The following PDE4D variants were observed in gnomAD, a reference collection of about 807,000 sequenced individuals.
PDE4D encodes the protein phosphodiesterase 4D, also known as 3',5'-cyclic-AMP phosphodiesterase 4D.
PDE4D carries 24 observed loss-of-function variants against 87.4 expected under a neutral mutation model. The ratio of observed to expected loss-of-function variants is 0.27; its 90% CI spans 0.20 to 0.39. The LOEUF is 0.39. PDE4D is among the 10% of genes least tolerant of loss of function. The pLI, the probability that PDE4D is intolerant of heterozygous loss-of-function variation, is 1.00. For missense variants in PDE4D, 714 were observed against 1,041.0 expected, an observed-to-expected ratio of 0.69 and a Z score of 4.32; for synonymous variants, 384 against 383.2, an observed-to-expected ratio of 1.00 and a Z score of -0.02.
At chr5:60,297,500 G>A (rs1753513103) in intron 1 of PDE4D, among the ~76,000 whole-genome samples, 2 of 152,146 alleles carry the variant, frequency 1.3e-5, no homozygotes, top group South Asian at 2.1e-4. Flanking sequence ...CGAGAAGTAT[G>A]TTATGGTTAC....
chr5:60,248,485 T>C (rs1748049152), intron 1 of PDE4D, among the ~76,000 whole-genome samples: 1 of 151,998 alleles, frequency 6.6e-6, no homozygotes, highest in Non-Finnish European at 1.5e-5. Context: ...ATCAGACTTG[T>C]ATTTTCAAGG....
rs1426349389 is a variant in PDE4D, at chr5:60,327,008, C to A, written c.-89-141321G>T. Among the ~76,000 whole-genome samples, 6 of 152,120 alleles carry A rather than the reference C, an allele frequency of 3.9e-5. No homozygotes were observed. In the East Asian group the frequency reaches 9.6e-4, roughly 24 times the overall value. On this transcript the variant is annotated intron_variant, in intron 1 of 16. Coordinates refer to the PDE4D transcript ENST00000502484. ...AGAAGTCTGAGAGTTATTACAATTT[C>A]TTTATCCCCTGCTTACATATCCCAT...
intron 1 of PDE4D, among the ~76,000 whole-genome samples, chr5:59,735,418 C>T (rs11741982): frequency 6.6e-6 from 1 of 152,146 alleles, no homozygotes; most frequent in Non-Finnish European, 1.5e-5. Context: ...CAAACAAATT[C>T]TAAGATGTGA....
chr5:59,539,819 C>T (rs893739279), intron 1 of PDE4D, among the ~76,000 whole-genome samples: 3 of 152,134 alleles, frequency 2.0e-5, no homozygotes, highest in Non-Finnish European at 4.4e-5. Flanking sequence ...AACACACACA[C>T]ACAGACACAT....
intron 5 of PDE4D, chr5:59,172,662 C>T (rs1014125370): frequency 3.3e-5 from 5 of 151,562 alleles, no homozygotes; most frequent in East Asian, 1.9e-4. Flanking sequence ...GAGACAAGAT[C>T]GTACCACTTC....
Position 58,975,902 on chromosome 5 carries a change from A to C in PDE4D, c.1831-63T>G, listed in dbSNP as rs1743618642. The C allele has an allele frequency of 4.0e-6, 5 of 1,240,870 alleles. No homozygotes were observed. The highest frequency in any genetic ancestry group is 2.8e-5 in the Admixed American group (1 of 36,234). 76.9% of individuals were successfully genotyped at this position (1,240,870 alleles called of 1,614,324 possible). On this transcript the variant is annotated intron_variant, in intron 13 of 14. Transcript: ENST00000340635. This position sits in a 1 kb window ranked among gnomAD's most constrained non-coding sequence, Gnocchi z 4.2. Reference sequence around the variant, plus strand: ...CCTTTTTTTTAAAAAAAAAAACAAAAAAAACTAGAAATTCACATTGGATGA... The same window carrying C: ...CCTTTTTTTTAAAAAAAAAAACAAACAAAACTAGAAATTCACATTGGATGA...
chr5:60,324,470 T>C (rs1263286273), intron 1 of PDE4D, among the ~76,000 whole-genome samples: 1 of 152,182 alleles, frequency 6.6e-6, no homozygotes, highest in Non-Finnish European at 1.5e-5. Context: ...AAAGATGCTG[T>C]ATTGTATAAA....
chr5:60,331,296 T>C (rs1757286658), intron 1 of PDE4D, among the ~76,000 whole-genome samples: 1 of 152,206 alleles, frequency 6.6e-6, no homozygotes, highest in African/African-American at 2.4e-5. Context: ...AATGTGACAG[T>C]AGAACACTAC....
At chr5:59,314,061 T>C (rs1282986333) in intron 1 of PDE4D, 1 of 152,164 alleles carries the variant, frequency 6.6e-6, no homozygotes, top group East Asian at 1.9e-4. Flanking sequence ...CAGCATAAGG[T>C]AGCCCCAGTA....
chr5:59,507,380 T>G (rs1160701717), intron 1 of PDE4D, among the ~76,000 whole-genome samples: 1 of 151,930 alleles, frequency 6.6e-6, no homozygotes, highest in African/African-American at 2.4e-5. Flanking sequence ...AATAAATAAT[T>G]TATAACATAT....
chr5:59,690,633 C>A (rs1404465923), intron 1 of PDE4D, among the ~76,000 whole-genome samples: 1 of 152,144 alleles, frequency 6.6e-6, no homozygotes, highest in Non-Finnish European at 1.5e-5. Context: ...AAAACCTAGG[C>A]AATACCATTC....
At chr5:60,199,542 C>T (rs535181527) in intron 1 of PDE4D, among the ~76,000 whole-genome samples, 1 of 151,746 alleles carries the variant, frequency 6.6e-6, no homozygotes, top group African/African-American at 2.4e-5. Flanking sequence ...TTCTAAGGAT[C>T]GGCTACGCTT....
chr5:60,510,879 G>A (rs1011438614), intron 1 of PDE4D, among the ~76,000 whole-genome samples: 3 of 152,176 alleles, frequency 2.0e-5, no homozygotes, highest in African/African-American at 7.2e-5. Context: ...ATGGGGAGAG[G>A]CAGACACCTG....
intron 1 of PDE4D, among the ~76,000 whole-genome samples, chr5:59,352,060 G>A (rs1780613653): frequency 6.6e-6 from 1 of 152,134 alleles, no homozygotes; most frequent in Admixed American, 6.5e-5. Context: ...TTCCTCATTT[G>A]TAAGATAAAG....
intron 2 of PDE4D, among the ~76,000 whole-genome samples, chr5:60,089,536 C>T (rs941763412): frequency 6.6e-6 from 1 of 151,478 alleles, no homozygotes; most frequent in Non-Finnish European, 1.5e-5. Context: ...AGAGGATATA[C>T]CAAAAGCAGT....
intron 3 of PDE4D, among the ~76,000 whole-genome samples, chr5:59,929,199 A>G (rs1264212255): frequency 6.6e-6 from 1 of 152,148 alleles, no homozygotes; most frequent in East Asian, 1.9e-4. Context: ...ACTACATGTC[A>G]TCCATACTAG....
chr5:60,511,368 A>G (rs1162260008), intron 1 of PDE4D, among the ~76,000 whole-genome samples: 1 of 152,166 alleles, frequency 6.6e-6, no homozygotes, highest in Non-Finnish European at 1.5e-5. Flanking sequence ...GTTGACTCCC[A>G]TGTTCACTAA....
At chr5:60,107,874 T>G (rs1454132233) in intron 2 of PDE4D, among the ~76,000 whole-genome samples, 1 of 152,192 alleles carries the variant, frequency 6.6e-6, no homozygotes, top group Non-Finnish European at 1.5e-5. Flanking sequence ...TAAGAAGACC[T>G]ATGTATGACA....
chr5:59,304,602 T>C (rs561526845), intron 1 of PDE4D, among the ~76,000 whole-genome samples: 2 of 152,294 alleles, frequency 1.3e-5, no homozygotes, highest in East Asian at 3.9e-4. Context: ...GCTTTAATCA[T>C]AAAGGGATGC....
Sources: allele counts gnomAD v4.1 joint callset (sites outside exome capture counted in the v4.1 genomes callset), GRCh38; gene constraint gnomAD v4.1.1; non-coding constraint Gnocchi (gnomAD v3.1); transcripts MANE v1.5; gene names NCBI Gene and HGNC (gene_info 2026-07-23, HGNC 2026-07-21).